DTL: variants seen among roughly 807,000 people sequenced by gnomAD.
The protein encoded by DTL is denticleless E3 ubiquitin protein ligase adapter.
In DTL, 46 loss-of-function variants were observed where a neutral mutation model predicts 87.0. The observed-to-expected ratio is 0.53, with a 90% CI of 0.42 to 0.68. DTL has a LOEUF of 0.68. Ranked by LOEUF, DTL falls within the 30% of genes least tolerant of loss-of-function variation. The pLI, the probability that DTL is intolerant of heterozygous loss-of-function variation, is 0.00. For synonymous variants in DTL, 308 were observed against 311.2 expected (o/e 0.99, Z 0.11); for missense variants, 737 against 869.4 (o/e 0.85, Z 1.91).
At chr1:212,097,184 C>T (rs1312531925) in intron 13 of DTL, among the ~76,000 whole-genome samples, 2 of 152,118 alleles carry the variant, frequency 1.3e-5, no homozygotes, top group South Asian at 2.1e-4. Context: ...AAAGATAAGA[C>T]CTTTATCCCC....
chr1:212,039,850 G>A lies in DTL; in HGVS notation c.53-3143G>A, dbSNP rs370285893. Among the ~76,000 whole-genome samples, 55 of 152,310 alleles carry A rather than the reference G, an allele frequency of 3.6e-4. 2 individuals are homozygous for A. The South Asian group carries it at 0.011, about 30-fold the overall frequency. The stretch of plus-strand genomic sequence containing the variant: ...TAAAAAATGGTAACACCTGTGGAGG[G>A]TGCTTACTATGAATGGGAGCTTGCA... On this transcript the variant is annotated intron_variant, in intron 1 of 14. Transcript: ENST00000366991.
rs1369489913 is a variant in DTL, at chr1:212,092,398, T to C, written c.1262-7854T>C. On this transcript the variant is annotated intron_variant, in intron 13 of 14. Transcript: ENST00000366991. Reference sequence around the variant, plus strand: ...AAAATACAAAACTTAGGTGTGGTGGTGCATGCCTGTAGTCCCAGCTACTTG... The same window carrying C: ...AAAATACAAAACTTAGGTGTGGTGGCGCATGCCTGTAGTCCCAGCTACTTG... Among the ~76,000 whole-genome samples, 3 of 152,034 alleles carry C rather than the reference T, an allele frequency of 2.0e-5. 1 individual carries two copies. The highest frequency in any genetic ancestry group is 1.3e-4 in the Admixed American group (2 of 15,258).
intron 13 of DTL, among the ~76,000 whole-genome samples, chr1:212,091,100 A>G (rs1655267580): frequency 6.6e-6 from 1 of 152,234 alleles, no homozygotes; most frequent in Non-Finnish European, 1.5e-5. Flanking sequence ...TGTTCACAAT[A>G]TATTAAGAAG....
chr1:212,058,968 C>T (rs1668258519), intron 5 of DTL, among the ~76,000 whole-genome samples: 1 of 152,022 alleles, frequency 6.6e-6, no homozygotes. Flanking sequence ...ATGCAACCTA[C>T]CAAGACTGAA....
chr1:212,048,358 A>G (rs186378002), intron 5 of DTL, among the ~76,000 whole-genome samples: 1 of 151,998 alleles, frequency 6.6e-6, no homozygotes, highest in Non-Finnish European at 1.5e-5. Flanking sequence ...ACGCCCAGCT[A>G]ATTTTTGTGT....
intron 1 of DTL, among the ~76,000 whole-genome samples, chr1:212,039,264 T>TG (rs1667572428): frequency 6.6e-6 from 1 of 152,220 alleles, no homozygotes; most frequent in South Asian, 2.1e-4. Flanking sequence ...AGTAAAATTT[T>TG]ATTGGAAGTC....
intron 13 of DTL, among the ~76,000 whole-genome samples, chr1:212,097,682 G>C (rs1459623408): frequency 6.6e-6 from 1 of 151,822 alleles, no homozygotes; most frequent in Non-Finnish European, 1.5e-5. Flanking sequence ...GTGCTTCCTT[G>C]AGTAGCTTAA....
intron 1 of DTL, among the ~76,000 whole-genome samples, chr1:212,038,008 C>T (rs1383742768): frequency 6.6e-6 from 1 of 152,216 alleles, no homozygotes; most frequent in Non-Finnish European, 1.5e-5. Flanking sequence ...CGGAGCCTAT[C>T]CTGGCAGCTC....
chr1:212,046,748 C>T (rs575125384), intron 3 of DTL, among the ~76,000 whole-genome samples: 4 of 152,316 alleles, frequency 2.6e-5, no homozygotes, highest in African/African-American at 9.6e-5. Context: ...CTGCAGTGAA[C>T]ATATGCATGC....
rs1292644590 is a variant in DTL, at chr1:212,104,193, G to A, written c.*1253G>A. Reference sequence around the variant, plus strand: ...CTTTCTATGTACTATTTACTTAGAAGGGAGCCCCCTTCCAGTCATGAAACT... The same window carrying A: ...CTTTCTATGTACTATTTACTTAGAAAGGAGCCCCCTTCCAGTCATGAAACT... On this transcript the variant is annotated 3_prime_UTR_variant, in exon 15 of 15. Transcript: ENST00000366991. The A allele has an allele frequency of 1.3e-5, 2 of 151,690 alleles. No individual in the cohort carries two copies. Among genetic ancestry groups the A allele is most frequent in the East Asian group, 3.9e-4 (2 of 5,180 alleles). The allele number at this position is 151,690 out of a possible 1,614,324, so 9.4% of individuals were successfully genotyped here.
At chr1:212,057,447 C>T (rs1302403747) in intron 5 of DTL, among the ~76,000 whole-genome samples, 2 of 151,038 alleles carry the variant, frequency 1.3e-5, no homozygotes, top group East Asian at 3.9e-4. Context: ...CTTTCCCAAA[C>T]AAGCAAAAGC....
chr1:212,068,725 T>C, intron 10 of DTL, 22 bp downstream of exon 10: 2 of 1,475,780 alleles, frequency 1.4e-6, no homozygotes, highest in Non-Finnish European at 1.9e-6. Flanking sequence ...GTCATTCAAA[T>C]TCTCTTACCA....
chr1:212,046,718 C>G (rs1369002666), intron 3 of DTL, among the ~76,000 whole-genome samples: 1 of 152,160 alleles, frequency 6.6e-6, no homozygotes, highest in Non-Finnish European at 1.5e-5. Context: ...GATTCCATGT[C>G]TTTGCCATTG....
chr1:212,058,690 A>G (rs1329240629), intron 5 of DTL, among the ~76,000 whole-genome samples: 1 of 152,130 alleles, frequency 6.6e-6, no homozygotes, highest in Non-Finnish European at 1.5e-5. Flanking sequence ...AATAATAAAT[A>G]GCAGAGCCTA....
Position 212,047,317 on chromosome 1 carries a change from A to G in DTL, c.360A>G (p.Gln120=), listed in dbSNP as rs1453603366. ...GAAAGGTTACAGCAGCAGGTGATCA[A>G]ACAGCCAAATTTTGGGACGTAAAAG... ...ELKLVTAAGD[Q]TAKFWDVKAG... is the part of the protein sequence containing the mutation. Residue 120 remains glutamine (Q), a synonymous_variant, in exon 5 of 15, where the codon CAA becomes CAG. Transcript: ENST00000366991. The G allele has an allele frequency of 1.2e-6, 2 of 1,614,072 alleles. No individual in the cohort carries two copies. Among genetic ancestry groups the G allele is most frequent in the East Asian group, 2.2e-5 (1 of 44,894 alleles).
At chr1:212,099,092 T>C (rs1421454336) in intron 13 of DTL, among the ~76,000 whole-genome samples, 1 of 152,234 alleles carries the variant, frequency 6.6e-6, no homozygotes, top group Non-Finnish European at 1.5e-5. Flanking sequence ...TACAGGGCTC[T>C]TCCTGCTGCT....
intron 8 of DTL, 136 bp from the exon 9 acceptor site, chr1:212,068,088 C>A: frequency 1.7e-6 from 1 of 572,616 alleles, no homozygotes; most frequent in South Asian, 2.5e-5. Context: ...TAATTTGTTT[C>A]CCAATGAAAT....
At chr1:212,050,198 T>G (rs926013250) in intron 5 of DTL, among the ~76,000 whole-genome samples, 1 of 152,114 alleles carries the variant, frequency 6.6e-6, no homozygotes, top group African/African-American at 2.4e-5. Context: ...TCAATCGATC[T>G]ATCTATAATC....
intron 5 of DTL, among the ~76,000 whole-genome samples, chr1:212,053,402 T>C (rs1340839812): frequency 6.6e-6 from 1 of 151,906 alleles, no homozygotes; most frequent in Non-Finnish European, 1.5e-5. Flanking sequence ...GTTTCACCCA[T>C]GGTTGGTCTT....
Sources: gnomAD v4.1 joint callset for allele counts (sites outside exome capture counted in the v4.1 genomes callset) on GRCh38, gnomAD v4.1.1 for gene constraint, MANE v1.5 for transcripts, NCBI Gene and HGNC (gene_info 2026-07-23, HGNC 2026-07-21) for gene names.